FIBP: variants seen among roughly 807,000 people sequenced by gnomAD.
FIBP encodes acidic fibroblast growth factor intracellular-binding protein.
In FIBP, 29 loss-of-function variants were observed where a neutral mutation model predicts 40.5. The observed-to-expected ratio is 0.72, with a 90% CI of 0.53 to 0.98. The LOEUF (loss-of-function observed/expected upper bound fraction) is 0.98, where lower values mean the gene tolerates loss of function less well. Ranked by LOEUF, FIBP falls within the 50% of genes least tolerant of loss-of-function variation. The probability of loss-of-function intolerance (pLI) is 0.00; values close to 1 mark genes in which losing one functional copy is unlikely to be tolerated. For missense variants in FIBP, 411 were observed against 470.2 expected, an observed-to-expected ratio of 0.87 and a Z score of 1.16; for synonymous variants, 215 against 191.1, an observed-to-expected ratio of 1.13 and a Z score of -1.03.
intron 4 of FIBP, 63 bp downstream of exon 4, chr11:65,886,259 A>G: frequency 9.2e-7 from 1 of 1,086,290 alleles, no homozygotes; most frequent in Non-Finnish European, 1.4e-6. Context: ...GGGGTAGGGA[A>G]GGTGGACGAG....
intron 5 of FIBP, 169 bp from the exon 6 acceptor site, chr11:65,885,355 G>C (rs901321409): frequency 3.2e-6 from 3 of 926,082 alleles, no homozygotes; most frequent in Non-Finnish European, 5.0e-6. Flanking sequence ...TGGGCCCTTT[G>C]TCTGCAGACA....
rs377478634 is a variant in FIBP at position 65,885,468 on chromosome 11, G to C, written c.646+62C>G. The stretch of plus-strand genomic sequence containing the variant: ...TGAGGGCCTGTGGGAGAAACTACTG[G>C]TGGGGAATCAGGTCCTGAGGATGGG... On this transcript the variant is annotated intron_variant, in intron 5 of 9. Coordinates refer to ENST00000357519, the MANE Select transcript of FIBP (RefSeq NM_004214.5). 136 of 1,577,456 alleles carry C rather than the reference G, an allele frequency of 8.6e-5. No homozygotes were observed. In the Middle Eastern group the frequency reaches 3.4e-3, roughly 40 times the overall value.
intron 3 of FIBP, chr11:65,886,794 G>A (rs1437125403): frequency 5.7e-6 from 1 of 176,446 alleles, no homozygotes; most frequent in African/African-American, 2.4e-5. Context: ...AAGCTCACAG[G>A]AGATACAAAA....
rs1860194260 is a variant in FIBP, at chr11:65,884,942, T to G, written c.812A>C (p.Asn271Thr). The change falls in exon 7 of 10, where the codon AAC (asparagine) becomes ACC (threonine). Residue 271 changes from asparagine to threonine, a missense_variant. Transcript: ENST00000357519. The part of the protein sequence containing the change: ...KLGVFSEMEA[N>T]FKNLSRGLVN... ...CTGGATGGGACCACAGACCTTGAAG[T>G]TGGCTTCCATCTCAGAGAAGACGCC... is the stretch of plus-strand genomic sequence containing the variant. The G allele has an allele frequency of 6.2e-7, 1 of 1,614,142 alleles. No homozygotes were observed. Among genetic ancestry groups the G allele is most frequent in the Non-Finnish European group, 8.5e-7 (1 of 1,180,018 alleles).
chr11:65,885,371 T>G, intron 5 of FIBP, 159 bp downstream of exon 5: 1 of 959,178 alleles, frequency 1.0e-6, no homozygotes, highest in Non-Finnish European at 1.6e-6. Flanking sequence ...AGACAAGGTG[T>G]GTGTGGGGAA....
rs1029252119 is a variant in FIBP at position 65,885,735 on chromosome 11, T to G, written c.513-72A>C. 2.8e-6 allele frequency: 4 copies of G among 1,453,846 alleles called. No homozygotes were observed. In the African/African-American group the frequency reaches 5.7e-5, roughly 21 times the overall value. The allele number at this position is 1,453,846 out of a possible 1,614,324, so 90.1% of individuals were successfully genotyped here. ...TAGGAAGCAGCTCCCACCTGCAACC[T>G]CAGCTGGGTGTCCGAGTTCTGGCCT... On this transcript the variant is annotated intron_variant, in intron 4 of 9. Transcript: ENST00000357519.
chr11:65,887,548 G>A (rs1860269338), intron 3 of FIBP, 52 bp downstream of exon 3: 1 of 1,605,254 alleles, frequency 6.2e-7, no homozygotes, highest in African/African-American at 1.3e-5. Context: ...TGGCCAAAGG[G>A]AGGGAGTGAA....
At chr11:65,884,677 G>C (rs369293956) in intron 7 of FIBP, 21 bp from the exon 8 acceptor site, 1 of 1,613,210 alleles carries the variant, frequency 6.2e-7, no homozygotes. Flanking sequence ...GGGATCCTTG[G>C]AGCTCTGCTT....
At chr11:65,885,216 G>GT in intron 5 of FIBP, 30 bp from the exon 6 acceptor site, 1 of 793,180 alleles carries the variant, frequency 1.3e-6, no homozygotes, top group South Asian at 1.4e-5. Context: ...GTGGGGGTGG[G>GT]TGATAAAAAC....
Position 65,883,822 on chromosome 11 carries a change from C to G in FIBP, c.*152G>C. On this transcript the variant is annotated 3_prime_UTR_variant, in exon 10 of 10. Transcript: ENST00000357519. ...ATATGTCTCAGTTCCCAAGGAGCCACTGTACACATCCATCCTTGTACACGG... is the reference window on the plus strand; with the variant it reads ...ATATGTCTCAGTTCCCAAGGAGCCAGTGTACACATCCATCCTTGTACACGG... 1.3e-6 allele frequency: 1 copy of G among 754,478 alleles called. No individual in the cohort carries two copies. Among genetic ancestry groups the G allele is most frequent in the Non-Finnish European group, 2.2e-6 (1 of 456,290 alleles). The allele number at this position is 754,478 out of a possible 1,614,324, so 46.7% of individuals were successfully genotyped here. A position where few individuals can be genotyped will look rare whatever the true frequency, so the allele number is the denominator to read the frequency against.
At chr11:65,885,033 G>T in intron 6 of FIBP, 35 bp from the exon 7 acceptor site, 20 of 1,613,944 alleles carry the variant, frequency 1.2e-5, no homozygotes, top group Non-Finnish European at 1.6e-5. Context: ...ATAGCCACCT[G>T]GGCCCCTACT....
intron 3 of FIBP, 170 bp downstream of exon 3, chr11:65,887,430 A>G: frequency 1.4e-6 from 1 of 738,314 alleles, no homozygotes; most frequent in Non-Finnish European, 2.3e-6. Flanking sequence ...TGGGCCACAG[A>G]GCAAGACTCC....
chr11:65,885,833 G>A, intron 4 of FIBP, 170 bp from the exon 5 acceptor site: 1 of 654,486 alleles, frequency 1.5e-6, no homozygotes. Flanking sequence ...TGTGCGAAGA[G>A]AAGGTTCCAG....
chr11:65,886,189 A>C (rs1860231672), intron 4 of FIBP, 133 bp downstream of exon 4: 3 of 529,436 alleles, frequency 5.7e-6, no homozygotes, highest in East Asian at 3.1e-5. Flanking sequence ...AAAAAAAAAA[A>C]AGTACAGACC....
At position 65,885,629 on chromosome 11, in the gene FIBP, GGTT is replaced by G; in HGVS notation, c.544_546del (p.Asn182del). Reference sequence around the variant, plus strand: ...AGTTTTTTCTTCCCTGTCTCAAAGCGGTTGTTAGCAAAGAAGACGATGGCTGCA... The same window carrying G: ...AGTTTTTTCTTCCCTGTCTCAAAGCGGTTAGCAAAGAAGACGATGGCTGCA... On this transcript the variant is annotated inframe_deletion, in exon 5 of 10. Transcript: ENST00000357519. 1.2e-6 allele frequency: 2 copies of G among 1,614,166 alleles called. No homozygotes were observed. Among genetic ancestry groups the G allele is most frequent in the Non-Finnish European group, 1.7e-6 (2 of 1,180,008 alleles).
Position 65,883,943 on chromosome 11 carries a change from T to G in FIBP, c.*31A>C. The G allele has an allele frequency of 6.2e-7, 1 of 1,606,264 alleles. No homozygotes were observed. Among genetic ancestry groups the G allele is most frequent in the Non-Finnish European group, 8.5e-7 (1 of 1,173,954 alleles). ...GTCTCCAAACTCAGAGCAACTTTAT[T>G]GTCAGCGTGGGCGGAGCGTTGGGAG... On this transcript the variant is annotated 3_prime_UTR_variant, in exon 10 of 10. Coordinates refer to ENST00000357519, the MANE Select transcript of FIBP (RefSeq NM_004214.5).
chr11:65,887,434 A>G, intron 3 of FIBP, 166 bp downstream of exon 3: 1 of 762,398 alleles, frequency 1.3e-6, no homozygotes, highest in East Asian at 2.7e-5. Context: ...CCACAGAGCA[A>G]GACTCCATCT....
At position 65,885,576 on chromosome 11, in the gene FIBP, G is replaced by C; in HGVS notation, c.600C>G (p.Ala200=). The C allele has an allele frequency of 6.2e-7, 1 of 1,614,226 alleles. No homozygotes were observed. Among genetic ancestry groups the C allele is most frequent in the Non-Finnish European group, 8.5e-7 (1 of 1,180,042 alleles). Residue 200 remains alanine (A), a synonymous_variant, in exon 5 of 10, where the codon GCC becomes GCG. Transcript: ENST00000357519. The part of the protein sequence containing the change: ...KLQYLSFGDF[A]FCAELMIQNW... ...TTTGGATCATGAGCTCAGCGCAGAA[G>C]GCAAAGTCACCGAAGCTCAGATACT...
chr11:65,885,844 C>A, intron 4 of FIBP, 181 bp from the exon 5 acceptor site: 1 of 606,320 alleles, frequency 1.6e-6, no homozygotes, highest in Non-Finnish European at 2.9e-6. Context: ...AAGGTTCCAG[C>A]TCAAGTTTAC....
Sources: allele counts gnomAD v4.1 joint callset, GRCh38; gene constraint gnomAD v4.1.1; transcripts MANE v1.5; gene names NCBI Gene and HGNC (gene_info 2026-07-23, HGNC 2026-07-21).